The following FHOD3 variants were observed in gnomAD, a reference collection of about 807,000 sequenced individuals.
FHOD3 encodes the protein FH1/FH2 domain-containing protein 3.
A neutral mutation model predicts 173.0 loss-of-function variants in FHOD3; 90 were observed. The observed-to-expected ratio is 0.52, with a 90% CI of 0.44 to 0.62. FHOD3 has a LOEUF of 0.62. Ranked by LOEUF, FHOD3 falls within the 20% of genes least tolerant of loss-of-function variation. FHOD3 has a pLI of 0.00. For synonymous variants in FHOD3, 828 were observed against 823.0 expected (o/e 1.01, Z -0.10); for missense variants, 1,945 against 2,034.7 (o/e 0.96, Z 0.85).
intron 3 of FHOD3, among the ~76,000 whole-genome samples, chr18:36,390,940 C>A (rs1347783197): frequency 1.3e-5 from 2 of 152,204 alleles, no homozygotes; most frequent in Admixed American, 1.3e-4. Flanking sequence ...CCTGTATGGA[C>A]AGGTATGCAC....
At chr18:36,457,816 C>T (rs144984342) in intron 3 of FHOD3, among the ~76,000 whole-genome samples, 19 of 152,258 alleles carry the variant, frequency 1.2e-4, no homozygotes, top group African/African-American at 4.3e-4. Flanking sequence ...TAGTCTAAGG[C>T]AGAATTTTGT....
At position 36,640,456 on chromosome 18, in the gene FHOD3, G is replaced by A. The variant is rs75811528; in HGVS notation, c.1197-8860G>A. Among the ~76,000 whole-genome samples the A allele has an allele frequency of 3.3e-5, 5 of 152,332 alleles. No homozygotes were observed. In the East Asian group the frequency reaches 7.7e-4, roughly 23 times the overall value. ...AACAGCCTTAAAGTTAACAGAAAGTGTGAGTCACTGTGAGGCCAAGATCAA... is the reference window on the plus strand; with the variant it reads ...AACAGCCTTAAAGTTAACAGAAAGTATGAGTCACTGTGAGGCCAAGATCAA... On this transcript the variant is annotated intron_variant, in intron 10 of 28. Transcript: ENST00000590592.
chr18:36,381,560 G>T (rs1301893607), intron 3 of FHOD3, among the ~76,000 whole-genome samples: 1 of 152,182 alleles, frequency 6.6e-6, no homozygotes, highest in African/African-American at 2.4e-5. Context: ...CCCTGTTCTG[G>T]GTTTGGTTCC....
At chr18:36,630,505 C>G (rs2034437515) in intron 10 of FHOD3, among the ~76,000 whole-genome samples, 1 of 152,154 alleles carries the variant, frequency 6.6e-6, no homozygotes, top group Non-Finnish European at 1.5e-5. Flanking sequence ...GCCAACAAAT[C>G]CAATTCTAAT....
chr18:36,362,227 G>A (rs887101675), intron 2 of FHOD3, among the ~76,000 whole-genome samples: 1 of 152,170 alleles, frequency 6.6e-6, no homozygotes, highest in African/African-American at 2.4e-5. Flanking sequence ...CAAGCAGGGA[G>A]TGGCCTAATG....
intron 28 of FHOD3, among the ~76,000 whole-genome samples, 200 bp downstream of exon 28, chr18:36,769,626 C>T (rs1413582313): frequency 1.3e-5 from 2 of 152,160 alleles, no homozygotes; most frequent in Non-Finnish European, 2.9e-5. Context: ...GCAGCCACAC[C>T]TGTTCAGTGT....
intron 5 of FHOD3, among the ~76,000 whole-genome samples, chr18:36,553,592 T>C (rs921556034): frequency 6.6e-5 from 10 of 152,220 alleles, no homozygotes; most frequent in Admixed American, 4.6e-4. Flanking sequence ...CTAGACTTTC[T>C]AGTTTATTTG....
intron 1 of FHOD3, among the ~76,000 whole-genome samples, chr18:36,326,940 T>G (rs960607517): frequency 2.0e-5 from 3 of 152,232 alleles, no homozygotes; most frequent in African/African-American, 7.2e-5. Context: ...CAGCTCGGAC[T>G]TTGGCATTTT....
intron 3 of FHOD3, among the ~76,000 whole-genome samples, chr18:36,466,960 C>T (rs1286445630): frequency 6.6e-6 from 1 of 151,568 alleles, no homozygotes; most frequent in East Asian, 1.9e-4. Context: ...ACCTGGAATT[C>T]CCCTTTAAGG....
At chr18:36,298,714 A>T (rs1312434171) in intron 1 of FHOD3, among the ~76,000 whole-genome samples, 1 of 149,298 alleles carries the variant, frequency 6.7e-6, no homozygotes, top group African/African-American at 2.5e-5. Flanking sequence ...GCCCGAAATG[A>T]GTGTCCCCTG....
chr18:36,607,177 C>G (rs910374145), intron 8 of FHOD3, among the ~76,000 whole-genome samples: 1 of 152,248 alleles, frequency 6.6e-6, no homozygotes, highest in African/African-American at 2.4e-5. Context: ...CTTCCTGGGA[C>G]CCTAGGCTGT....
chr18:36,435,290 A>G (rs1031775872), intron 3 of FHOD3, among the ~76,000 whole-genome samples: 13 of 152,092 alleles, frequency 8.5e-5, no homozygotes, highest in African/African-American at 2.7e-4. Flanking sequence ...ACCACTGTGT[A>G]TGTTATTCTG....
At chr18:36,481,689 T>C (rs2053907854) in intron 3 of FHOD3, among the ~76,000 whole-genome samples, 1 of 152,240 alleles carries the variant, frequency 6.6e-6, no homozygotes. Context: ...ATTTGACTTT[T>C]ATTACCATGG....
chr18:36,744,217 T>C (rs2042041281), intron 23 of FHOD3, 24 bp downstream of exon 23: 1 of 1,598,542 alleles, frequency 6.3e-7, no homozygotes, highest in Non-Finnish European at 8.5e-7. Context: ...CGCTGAGGAG[T>C]GGGCCTGGTC....
At chr18:36,572,161 A>C (rs1310869056) in intron 5 of FHOD3, among the ~76,000 whole-genome samples, 2 of 152,190 alleles carry the variant, frequency 1.3e-5, no homozygotes, top group Non-Finnish European at 2.9e-5. Context: ...ATATACCTTG[A>C]GTGTAATAAG....
rs530090909 is a variant in FHOD3 at position 36,625,445 on chromosome 18, T to C, written c.958-66T>C. 4 of 1,292,472 alleles carry C rather than the reference T, an allele frequency of 3.1e-6. No individual in the cohort carries two copies. The South Asian group carries it at 7.6e-5, about 24-fold the overall frequency. The allele number at this position is 1,292,472 out of a possible 1,614,324, so 80.1% of individuals were successfully genotyped here. On this transcript the variant is annotated intron_variant, in intron 9 of 28. Transcript: ENST00000590592. ...CTATTAGGGCAATCCTGAAATGCAG[T>C]CACACCTGAGGTCTGTGAAAGGATG...
intron 15 of FHOD3, among the ~76,000 whole-genome samples, chr18:36,685,669 C>G (rs2038562829): frequency 6.6e-6 from 1 of 152,170 alleles, no homozygotes; most frequent in Non-Finnish European, 1.5e-5. Context: ...CTGCTGTAGT[C>G]TAACTTACTG....
intron 8 of FHOD3, among the ~76,000 whole-genome samples, chr18:36,604,148 T>C (rs564383172): frequency 6.6e-6 from 1 of 152,260 alleles, no homozygotes; most frequent in South Asian, 2.1e-4. Context: ...GTTTCTCCAT[T>C]TGGATCGACA....
chr18:36,598,146 T>G (rs1043699011), intron 7 of FHOD3, among the ~76,000 whole-genome samples: 3 of 152,202 alleles, frequency 2.0e-5, no homozygotes, highest in African/African-American at 7.2e-5. Flanking sequence ...CATATCCATT[T>G]GTGCACAAGT....
Sources: gnomAD v4.1 joint callset for allele counts (sites outside exome capture counted in the v4.1 genomes callset) on GRCh38, gnomAD v4.1.1 for gene constraint, MANE v1.5 for transcripts, NCBI Gene and HGNC (gene_info 2026-07-23, HGNC 2026-07-21) for gene names.